The following NRXN3 variants were observed in gnomAD, a reference collection of about 807,000 sequenced individuals.
NRXN3 encodes neurexin III.
NRXN3 carries 32 observed loss-of-function variants against 137.6 expected under a neutral mutation model. That is an observed-to-expected ratio of 0.23 (90% CI 0.18 to 0.31). The LOEUF is 0.31. Among genes scored for constraint, NRXN3 ranks in the 10% least tolerant of loss-of-function variants. NRXN3 has a pLI of 1.00. For missense variants in NRXN3, 1,574 were observed against 2,062.5 expected, an observed-to-expected ratio of 0.76 and a Z score of 4.59; for synonymous variants, 798 against 784.5, an observed-to-expected ratio of 1.02 and a Z score of -0.29.
rs571379780 is a variant in NRXN3 at position 79,807,619 on chromosome 14, T to C, written c.4093+2429T>C. 3.3e-5 allele frequency among the ~76,000 whole-genome samples: 5 copies of C among 152,296 alleles called. No individual in the cohort carries two copies. In the South Asian group the frequency reaches 1.0e-3, roughly 32 times the overall value. ...AAATTCAACACCAACATTTCTTGAA[T>C]AACATGGGGTGGGTGGGGAGATACA... On this transcript the variant is annotated intron_variant, in intron 20 of 20. Transcript: ENST00000335750.
chr14:78,709,571 G>A lies in NRXN3; in HGVS notation c.1576G>A (p.Gly526Ser). 1 of 1,614,008 alleles carries A rather than the reference G, an allele frequency of 6.2e-7. No individual in the cohort carries two copies. Among genetic ancestry groups the A allele is most frequent in the Non-Finnish European group, 8.5e-7 (1 of 1,179,998 alleles). The change falls in exon 7 of 21, where the codon GGC becomes AGC. Residue 526 changes from glycine (G) to serine (S), a missense_variant. Gly to Ser is a moderately conservative substitution (Grantham distance 56). Coordinates refer to ENST00000335750, the MANE Select transcript of NRXN3 (RefSeq NM_001330195.2). ...GTACTTGCTGCTTGACATGGGCTCT[G>A]GCACCATCAAAGTGAAAGCCACTCA... Reference protein sequence around the residue: ...NLYLLLDMGSGTIKVKATQKK... With the variant: ...NLYLLLDMGSSTIKVKATQKK...
intron 19 of NRXN3, among the ~76,000 whole-genome samples, chr14:79,801,546 G>GCACACACACACACACACACACA (rs1207881557): frequency 6.6e-6 from 1 of 151,292 alleles, no homozygotes; most frequent in African/African-American, 2.4e-5. Flanking sequence ...TGACGTGTGT[G>GCACACACACACACACACACACA]CACGCACACA....
chr14:78,757,573 G>GTATC (rs2098674818), intron 8 of NRXN3, among the ~76,000 whole-genome samples: 1 of 152,130 alleles, frequency 6.6e-6, no homozygotes, highest in South Asian at 2.1e-4. Context: ...AAGGCATGGT[G>GTATC]TATCTGTCTT....
chr14:79,390,917 C>A (rs956931065), intron 15 of NRXN3, among the ~76,000 whole-genome samples: 1 of 152,074 alleles, frequency 6.6e-6, no homozygotes, highest in African/African-American at 2.4e-5. Flanking sequence ...TTAGTTAGCA[C>A]GAGAGTGGCT....
At chr14:78,926,908 TAA>T (rs1491358456) in intron 10 of NRXN3, among the ~76,000 whole-genome samples, 12 of 34,486 alleles carry the variant, frequency 3.5e-4, no homozygotes, top group Admixed American at 5.1e-4. Flanking sequence ...ATAATATATA[TAA>T]TATATATATA....
chr14:78,556,788 G>A (rs1283208607), intron 4 of NRXN3, among the ~76,000 whole-genome samples: 1 of 151,990 alleles, frequency 6.6e-6, no homozygotes, highest in Non-Finnish European at 1.5e-5. Context: ...TCAAGAAATA[G>A]CATTGTGATC....
chr14:78,569,824 T>A (rs958515676), intron 4 of NRXN3, among the ~76,000 whole-genome samples: 1 of 152,046 alleles, frequency 6.6e-6, no homozygotes, highest in African/African-American at 2.4e-5. Flanking sequence ...CCTCCCAAAG[T>A]GTCCAGAACT....
At chr14:79,422,702 T>A (rs977424628) in intron 15 of NRXN3, among the ~76,000 whole-genome samples, 9 of 146,500 alleles carry the variant, frequency 6.1e-5, no homozygotes, top group Non-Finnish European at 1.1e-4. Context: ...ACATTCTTTT[T>A]TTTTTTTTTT....
rs563060327 is a variant in NRXN3 at position 79,860,848 on chromosome 14, T to C, written c.4094-494T>C. Among the ~76,000 whole-genome samples the C allele has an allele frequency of 7.8e-4, 118 of 152,254 alleles. 1 individual carries two copies. Among genetic ancestry groups the C allele is most frequent in the African/African-American group, 2.8e-3 (117 of 41,546 alleles). On this transcript the variant is annotated intron_variant, in intron 20 of 20. Transcript: ENST00000335750. ...CTTTAAAAAATCTAAGCCCCTGATC[T>C]AGGGATTTCAGGTTTGGGTGGCAAG...
chr14:79,831,256 CCA>C (rs1287433446), intron 20 of NRXN3, among the ~76,000 whole-genome samples: 1 of 152,160 alleles, frequency 6.6e-6, no homozygotes, highest in Non-Finnish European at 1.5e-5. Context: ...AGACCTATTG[CCA>C]CAGTTTTCTC....
At chr14:79,066,500 A>T (rs1382171745) in intron 15 of NRXN3, among the ~76,000 whole-genome samples, 2 of 151,690 alleles carry the variant, frequency 1.3e-5, no homozygotes, top group East Asian at 1.9e-4. Context: ...ATAAATTTAA[A>T]TTTTTTTTCT....
chr14:78,864,854 G>A (rs949088586), intron 10 of NRXN3, among the ~76,000 whole-genome samples: 1 of 152,110 alleles, frequency 6.6e-6, no homozygotes, highest in Non-Finnish European at 1.5e-5. Context: ...ATTCTTCCTG[G>A]TGTCTCTGTG....
intron 15 of NRXN3, among the ~76,000 whole-genome samples, chr14:79,169,016 G>T (rs1318950631): frequency 6.6e-6 from 1 of 152,032 alleles, no homozygotes; most frequent in Non-Finnish European, 1.5e-5. Flanking sequence ...TTATCAGTTG[G>T]TTAGTGGCTG....
intron 15 of NRXN3, among the ~76,000 whole-genome samples, chr14:79,038,654 G>A (rs1489420227): frequency 2.6e-5 from 4 of 152,062 alleles, no homozygotes; most frequent in Admixed American, 2.0e-4. Context: ...TGTTGGGCAT[G>A]AATGACTGGC....
chr14:79,709,759 G>T (rs2098795837), intron 19 of NRXN3, among the ~76,000 whole-genome samples: 1 of 152,116 alleles, frequency 6.6e-6, no homozygotes. Context: ...CGGGGCTGCT[G>T]TTCTCATGAT....
At chr14:79,599,717 A>G (rs1415223869) in intron 16 of NRXN3, among the ~76,000 whole-genome samples, 1 of 152,194 alleles carries the variant, frequency 6.6e-6, no homozygotes, top group Non-Finnish European at 1.5e-5. Context: ...GAGGTGGGCC[A>G]GGCACAGTGG....
intron 16 of NRXN3, among the ~76,000 whole-genome samples, chr14:79,490,468 G>T (rs180749656): frequency 6.6e-6 from 1 of 152,288 alleles, no homozygotes; most frequent in East Asian, 1.9e-4. Context: ...ATACACAATG[G>T]AGTACTATTC....
intron 15 of NRXN3, among the ~76,000 whole-genome samples, chr14:79,062,648 A>G (rs954732017): frequency 3.3e-5 from 5 of 152,174 alleles, no homozygotes; most frequent in African/African-American, 1.2e-4. Context: ...AGATCAGTTG[A>G]CAATGGTTTA....
rs548942756 is a variant in NRXN3, at chr14:78,335,039, G to A, written c.757+37179G>A. Among the ~76,000 whole-genome samples, 11 of 152,238 alleles carry A rather than the reference G, an allele frequency of 7.2e-5. No homozygotes were observed. The East Asian group carries it at 9.7e-4, about 13-fold the overall frequency. On this transcript the variant is annotated intron_variant, in intron 4 of 20. Transcript: ENST00000335750. ...CCCCTCACTTCATAAATGAGGGGAG[G>A]CGTCATCCCAGGCTCTCACCCCAAG...
Sources: allele counts gnomAD v4.1 joint callset (sites outside exome capture counted in the v4.1 genomes callset), GRCh38; gene constraint gnomAD v4.1.1; transcripts MANE v1.5; gene names NCBI Gene and HGNC (gene_info 2026-07-23, HGNC 2026-07-21).